The following ZNF34 variants were observed in gnomAD, a reference collection of about 807,000 sequenced individuals.
ZNF34 encodes the protein zinc finger protein 34.
A neutral mutation model predicts 14.4 loss-of-function variants in ZNF34; 8 were observed. The observed-to-expected ratio is 0.55, with a 90% CI of 0.33 to 1.00. The LOEUF (loss-of-function observed/expected upper bound fraction) is 1.00. Ranked by LOEUF, ZNF34 falls within the 50% of genes least tolerant of loss-of-function variation. The probability of loss-of-function intolerance (pLI) is 0.03; values close to 1 mark genes in which losing one functional copy is unlikely to be tolerated. For missense variants in ZNF34, 538 were observed against 674.2 expected, an observed-to-expected ratio of 0.80 and a Z score of 2.24; for synonymous variants, 235 against 247.9, an observed-to-expected ratio of 0.95 and a Z score of 0.49.
In ZNF34 at chr8:144,778,151, A is replaced by G. The variant is rs1407837551; in HGVS notation, c.47T>C (p.Phe16Ser). Residue 16 changes from phenylalanine (F) to serine (S), a missense_variant, in exon 4 of 6, where the codon TTC becomes TCC. Coordinates refer to ENST00000429371, the MANE Select transcript of ZNF34 (RefSeq NM_001286769.2). ...LSAPPQAEVT[F>S]EDVAVYLSRE... ...GGAGAGGTACACAGCCACGTCCTCG[A>G]AGGTCACCTCGGCCTGGAATGACAG... 2 of 1,613,092 alleles carry G rather than the reference A, an allele frequency of 1.2e-6. No homozygotes were observed. Among genetic ancestry groups the G allele is most frequent in the African/African-American group, 1.3e-5 (1 of 74,898 alleles).
rs1169675836 is a variant in ZNF34, at chr8:144,772,470, A to C, written c.*796T>G. On this transcript the variant is annotated 3_prime_UTR_variant, in exon 6 of 6. Transcript: ENST00000429371. Reference sequence around the variant, plus strand: ...AAAAATGGTTAAAATTGTAAATTTCATATTATGTTATTTCACCACAGTTAA... The same window carrying C: ...AAAAATGGTTAAAATTGTAAATTTCCTATTATGTTATTTCACCACAGTTAA... Among the ~76,000 whole-genome samples, 1 of 152,250 alleles carries C rather than the reference A, an allele frequency of 6.6e-6. No homozygotes were observed. Among genetic ancestry groups the C allele is most frequent in the Non-Finnish European group, 1.5e-5 (1 of 68,042 alleles).
At position 144,773,676 on chromosome 8, in the gene ZNF34, C is replaced by G. The variant is rs371047009; in HGVS notation, c.1210G>C (p.Glu404Gln). ...TTGGTTTTTTGAATGAAAGCTTTCT[C>G]ACATTCATTACATTTATAGGGTTTC... The part of the protein sequence containing the change: ...GEKPYKCNEC[E>Q]KAFIQKTKLV... The change falls in exon 6 of 6, where the codon GAG becomes CAG. Residue 404 changes from glutamate to glutamine, a missense_variant. Glu to Gln is a conservative substitution (Grantham distance 29, BLOSUM62 2). Transcript: ENST00000429371. The surrounding 1 kb of genome is among the most constrained non-coding windows in gnomAD (Gnocchi z 5.4). 3.4e-5 allele frequency: 55 copies of G among 1,613,838 alleles called. No homozygotes were observed. Among genetic ancestry groups the G allele is most frequent in the Non-Finnish European group, 4.7e-5 (55 of 1,179,956 alleles).
At chr8:144,784,967 A>C (rs1024028648) in intron 1 of ZNF34, among the ~76,000 whole-genome samples, 1 of 151,706 alleles carries the variant, frequency 6.6e-6, no homozygotes, top group Non-Finnish European at 1.5e-5. Context: ...TACAAAAATT[A>C]GCCAACGTGG....
Position 144,773,550 on chromosome 8 carries a change from T to G in ZNF34, c.1336A>C (p.Arg446=), listed in dbSNP as rs1825296004. ...SQSTHLIQHQ[R]IHTGEKPYKC... Reference sequence around the variant, plus strand: ...TAGGGCTTCTCTCCTGTGTGGATTCTCTGGTGCTGGATGAGGTGTGTGCTT... The same window carrying G: ...TAGGGCTTCTCTCCTGTGTGGATTCGCTGGTGCTGGATGAGGTGTGTGCTT... The change falls in exon 6 of 6, where the codon AGA becomes CGA. Residue 446 remains arginine, a synonymous_variant. Coordinates refer to ENST00000429371, the MANE Select transcript of ZNF34 (RefSeq NM_001286769.2). This position sits in a 1 kb window ranked among gnomAD's most constrained non-coding sequence, Gnocchi z 5.4. 6.2e-7 allele frequency: 1 copy of G among 1,613,936 alleles called. No homozygotes were observed. Among genetic ancestry groups the G allele is most frequent in the South Asian group, 1.1e-5 (1 of 91,082 alleles).
chr8:144,780,721 G>A (rs1430579297), intron 1 of ZNF34, among the ~76,000 whole-genome samples: 16 of 151,816 alleles, frequency 1.1e-4, no homozygotes, highest in Admixed American at 6.6e-5. Context: ...CCCGGGAGGC[G>A]GAGGTTGTAG....
In ZNF34 at chr8:144,773,812, G is replaced by A; in HGVS notation, c.1074C>T (p.Ile358=). 1 of 1,614,082 alleles carries A rather than the reference G, an allele frequency of 6.2e-7. No individual in the cohort carries two copies. The highest frequency in any genetic ancestry group is 8.5e-7 in the Non-Finnish European group (1 of 1,179,964). Residue 358 remains isoleucine, a synonymous_variant, in exon 6 of 6, where the codon ATC becomes ATT. Coordinates refer to ENST00000429371, the MANE Select transcript of ZNF34 (RefSeq NM_001286769.2). This position sits in a 1 kb window ranked among gnomAD's most constrained non-coding sequence, Gnocchi z 5.4. ...CTCCGGTGTGAGTCCGACGATGTCG[G>A]ATAAGGATTGAGCCATCACTGAAGG... ...GKAFSDGSIL[I]RHRRTHTGEK...
intron 1 of ZNF34, among the ~76,000 whole-genome samples, chr8:144,786,319 C>T (rs979084203): frequency 6.6e-6 from 1 of 150,656 alleles, no homozygotes; most frequent in African/African-American, 2.4e-5. Flanking sequence ...GAGACAAAAA[C>T]AGTATTAGGT....
At chr8:144,778,318 T>C (rs894650015) in intron 3 of ZNF34, 121 bp downstream of exon 3, 1 of 1,370,228 alleles carries the variant, frequency 7.3e-7, no homozygotes, top group African/African-American at 1.4e-5. Context: ...GGTGGCTGCA[T>C]GGGGGTCTCA....
chr8:144,775,624 T>C (rs1416795879), intron 5 of ZNF34, among the ~76,000 whole-genome samples: 1 of 151,810 alleles, frequency 6.6e-6, no homozygotes, highest in Admixed American at 6.6e-5. Context: ...CACAGAAAAA[T>C]CCAAAGGAGG....
intron 1 of ZNF34, chr8:144,785,643 G>C (rs528377420): frequency 6.6e-6 from 1 of 152,216 alleles, no homozygotes; most frequent in Non-Finnish European, 1.5e-5. Flanking sequence ...CCACAGATTG[G>C]GGAAATATAA....
chr8:144,778,577 C>G, intron 2 of ZNF34, 52 bp from the exon 3 acceptor site: 1 of 1,420,184 alleles, frequency 7.0e-7, no homozygotes, highest in East Asian at 2.5e-5. Context: ...CCTTCTTCCA[C>G]AGCTCAGGCT....
At chr8:144,775,973 G>A (rs562582977) in intron 5 of ZNF34, among the ~76,000 whole-genome samples, 1 of 152,310 alleles carries the variant, frequency 6.6e-6, no homozygotes, top group East Asian at 1.9e-4. Context: ...CATGCGCACA[G>A]AAATGGAAAC....
chr8:144,784,587 G>A (rs534397420), intron 1 of ZNF34, among the ~76,000 whole-genome samples: 1 of 151,488 alleles, frequency 6.6e-6, no homozygotes, highest in South Asian at 2.1e-4. Flanking sequence ...GTGAAACACT[G>A]TCTCTACTAA....
rs1825737100 is a variant in ZNF34 at position 144,779,525 on chromosome 8, T to C, written c.-55+703A>G. Among the ~76,000 whole-genome samples, 1 of 152,148 alleles carries C rather than the reference T, an allele frequency of 6.6e-6. No homozygotes were observed. The highest frequency in any genetic ancestry group is 1.5e-5 in the Non-Finnish European group (1 of 68,010). ...CACCTTAAGTACTCTTAACCTGTCT[T>C]TTCTCATTCCTTTGACTCCGCTGGA... On this transcript the variant is annotated intron_variant, in intron 2 of 5. Transcript: ENST00000429371. This position sits in a 1 kb window ranked among gnomAD's most constrained non-coding sequence, Gnocchi z 4.1.
Position 144,778,519 on chromosome 8 carries a change from TGAG to T in ZNF34, c.-51_-49del. 1 of 1,572,726 alleles carries T rather than the reference TGAG, an allele frequency of 6.4e-7. No individual in the cohort carries two copies. The highest frequency in any genetic ancestry group is 8.6e-7 in the Non-Finnish European group (1 of 1,159,826). ...AGGGCAGTGAGCAGGAGCTGGTCAC[TGAG>T]GAGCTGAGGGAAGAGAACGCAACAA... On this transcript the variant is annotated 5_prime_UTR_variant, in exon 3 of 6. Coordinates refer to ENST00000429371, the MANE Select transcript of ZNF34 (RefSeq NM_001286769.2).
rs752791218 is a variant in ZNF34 at position 144,773,813 on chromosome 8, A to G, written c.1073T>C (p.Ile358Thr). The change falls in exon 6 of 6, where the codon ATC becomes ACC. Residue 358 changes from isoleucine (I) to threonine (T), a missense_variant. Ile to Thr is a moderately conservative substitution (Grantham distance 89). Around this residue, in one of 3 missense-constraint regions of ZNF34, gnomAD observed 431 missense variants for 525.7 expected, o/e 0.82. Coordinates refer to ENST00000429371, the MANE Select transcript of ZNF34 (RefSeq NM_001286769.2). This position sits in a 1 kb window ranked among gnomAD's most constrained non-coding sequence, Gnocchi z 5.4. ...GKAFSDGSIL[I>T]RHRRTHTGEK... ...TCCGGTGTGAGTCCGACGATGTCGG[A>G]TAAGGATTGAGCCATCACTGAAGGC... is the stretch of plus-strand genomic sequence containing the variant. 33 of 1,614,004 alleles carry G rather than the reference A, an allele frequency of 2.0e-5. No individual in the cohort carries two copies. The highest frequency in any genetic ancestry group is 1.2e-4 in the South Asian group (11 of 91,090).
chr8:144,781,507 T>G (rs558342202), intron 1 of ZNF34, among the ~76,000 whole-genome samples: 1 of 152,086 alleles, frequency 6.6e-6, no homozygotes, highest in Non-Finnish European at 1.5e-5. Context: ...CTGCCCGCCT[T>G]GGCCTCCCAA....
At chr8:144,778,221 C>T (rs912273855) in intron 3 of ZNF34, 57 bp from the exon 4 acceptor site, 18 of 1,567,804 alleles carry the variant, frequency 1.1e-5, no homozygotes, top group Admixed American at 3.7e-5. Context: ...CTGGTAGGGG[C>T]GGGGAGGCAG....
intron 2 of ZNF34, among the ~76,000 whole-genome samples, chr8:144,778,794 G>A (rs576858639): frequency 2.6e-5 from 4 of 151,796 alleles, no homozygotes; most frequent in South Asian, 2.1e-4. Flanking sequence ...GGACAGTGGC[G>A]TGATCTCGGC....
Sources: allele counts gnomAD v4.1 joint callset (sites outside exome capture counted in the v4.1 genomes callset), GRCh38; gene constraint gnomAD v4.1.1; regional missense constraint gnomAD v4.1.1; non-coding constraint Gnocchi (gnomAD v3.1); transcripts MANE v1.5; gene names NCBI Gene and HGNC (gene_info 2026-07-23, HGNC 2026-07-21).